ASAP3: variants seen among roughly 807,000 people sequenced by gnomAD.
ASAP3 encodes the protein ArfGAP with SH3 domain, ankyrin repeat and PH domain 3, also known as arf-GAP with SH3 domain, ANK repeat and PH domain-containing protein 3.
ASAP3 carries 85 observed loss-of-function variants against 118.2 expected under a neutral mutation model. The observed-to-expected ratio is 0.72, with a 90% confidence interval of 0.60 to 0.86. ASAP3 has a LOEUF of 0.86. ASAP3 is among the 40% of genes least tolerant of loss of function. The probability of loss-of-function intolerance (pLI) is 0.00; values close to 1 mark genes in which losing one functional copy is unlikely to be tolerated. For missense variants in ASAP3, 1,026 were observed against 1,175.0 expected, an observed-to-expected ratio of 0.87 and a Z score of 1.85; for synonymous variants, 432 against 477.4, an observed-to-expected ratio of 0.90 and a Z score of 1.24.
intron 5 of ASAP3, among the ~76,000 whole-genome samples, chr1:23,449,552 T>G (rs185925284): frequency 6.6e-6 from 1 of 152,176 alleles, no homozygotes; most frequent in East Asian, 1.9e-4. Context: ...TGAAATTACA[T>G]AGGAACTTAC....
chr1:23,484,200 G>C (rs1002341515), upstream of ASAP3: 4 of 1,210,548 alleles, frequency 3.3e-6, no homozygotes, highest in Admixed American at 1.3e-4. Flanking sequence ...GCGCTGAGCC[G>C]GCCTCACCGC....
At chr1:23,454,537 T>C (rs1327347584) in intron 3 of ASAP3, among the ~76,000 whole-genome samples, 1 of 151,470 alleles carries the variant, frequency 6.6e-6, no homozygotes, top group African/African-American at 2.4e-5. Context: ...CAGGCTGGTC[T>C]AGAGCTTCTG....
chr1:23,447,106 C>T (rs946134735), intron 5 of ASAP3, among the ~76,000 whole-genome samples: 1 of 152,172 alleles, frequency 6.6e-6, no homozygotes, highest in African/African-American at 2.4e-5. Flanking sequence ...TAATCTCGCT[C>T]GCCTGCCAAC....
At chr1:23,468,962 A>T (rs1379861295) in intron 1 of ASAP3, among the ~76,000 whole-genome samples, 2 of 151,618 alleles carry the variant, frequency 1.3e-5, no homozygotes, top group Non-Finnish European at 2.9e-5. Context: ...ACAAAAAAAA[A>T]AACAAAAAAA....
rs760402206 is a variant in ASAP3 at position 23,437,266 on chromosome 1, G to A, written c.1206C>T (p.Leu402=). The A allele has an allele frequency of 5.0e-5, 80 of 1,597,136 alleles. No homozygotes were observed. The highest frequency in any genetic ancestry group is 7.0e-5 in the Admixed American group (4 of 56,810). ...ACCCCGGGCCAGCGCTGGGCTCCCCGAGGAAGGCGCTGCTCAGGGCTTCGT... is the reference window on the plus strand; with the variant it reads ...ACCCCGGGCCAGCGCTGGGCTCCCCAAGGAAGGCGCTGCTCAGGGCTTCGT... ...SKDEALSSAF[L]GEPSAGPGSW... Residue 402 remains leucine (L), a synonymous_variant, in exon 14 of 25, where the codon CTC becomes CTT. Transcript: ENST00000336689. This position sits in a 1 kb window ranked among gnomAD's most constrained non-coding sequence, Gnocchi z 6.1.
At chr1:23,431,243 AAGGCCCCC>A in intron 23 of ASAP3, 118 bp from the exon 24 acceptor site, 1 of 1,044,000 alleles carries the variant, frequency 9.6e-7, no homozygotes, top group Non-Finnish European at 1.4e-6. Context: ...TAGAGTCCAC[AAGGCCCCC>A]AGGCCAGGTC....
At chr1:23,455,424 G>A (rs1641350574) in intron 3 of ASAP3, among the ~76,000 whole-genome samples, 1 of 152,210 alleles carries the variant, frequency 6.6e-6, no homozygotes, top group Admixed American at 6.5e-5. Flanking sequence ...TGGAGGCAGG[G>A]ACAGGTCCTG....
At chr1:23,442,664 C>A in intron 5 of ASAP3, 52 bp from the exon 6 acceptor site, 1 of 1,585,166 alleles carries the variant, frequency 6.3e-7, no homozygotes. Flanking sequence ...CCCCTATATC[C>A]TCTTCTGCCA....
chr1:23,465,677 T>A (rs1641744493), intron 1 of ASAP3, among the ~76,000 whole-genome samples: 1 of 152,054 alleles, frequency 6.6e-6, no homozygotes, highest in Non-Finnish European at 1.5e-5. Flanking sequence ...AATTTTTGTA[T>A]TTTTAGTAGA....
rs1225353539 is a variant in ASAP3, at chr1:23,437,146, G to A, written c.1326C>T (p.Cys442=). 2 of 1,605,218 alleles carry A rather than the reference G, an allele frequency of 1.2e-6. No individual in the cohort carries two copies. The highest frequency in any genetic ancestry group is 1.1e-5 in the South Asian group (1 of 89,532). ...VKSRPGNSQC[C]DCGAADPTWL... is the part of the protein sequence containing the mutation. ...GGGACCGACCTGCAGCCCCGCAGTC[G>A]CAGCACTGGCTATTCCCAGGCCTGC... Residue 442 remains cysteine, a synonymous_variant, in exon 14 of 25, where the codon TGC becomes TGT. Coordinates refer to ENST00000336689, the MANE Select transcript of ASAP3 (RefSeq NM_017707.4). The surrounding 1 kb of genome is among the most constrained non-coding windows in gnomAD (Gnocchi z 6.1).
chr1:23,445,002 T>G (rs1641005954), intron 5 of ASAP3, among the ~76,000 whole-genome samples: 1 of 151,880 alleles, frequency 6.6e-6, no homozygotes, highest in South Asian at 2.1e-4. Context: ...GGGGTTATTT[T>G]TTATTTCCTT....
upstream of ASAP3, chr1:23,484,326 C>T: frequency 2.1e-6 from 1 of 482,824 alleles, no homozygotes; most frequent in South Asian, 1.0e-4. Context: ...GGCTCCTCGC[C>T]TTCCTCCACC....
rs1172187284 is a variant in ASAP3, at chr1:23,436,851, G to A, written c.1476+60C>T. 2 of 1,321,434 alleles carry A rather than the reference G, an allele frequency of 1.5e-6. No homozygotes were observed. Among genetic ancestry groups the A allele is most frequent in the Middle Eastern group, 3.3e-4 (1 of 3,066 alleles). 81.9% of individuals were successfully genotyped at this position (1,321,434 alleles called of 1,614,324 possible). A position where few individuals can be genotyped will look rare whatever the true frequency, so the allele number is the denominator to read the frequency against. On this transcript the variant is annotated intron_variant, in intron 15 of 24. Coordinates refer to ENST00000336689, the MANE Select transcript of ASAP3 (RefSeq NM_017707.4). This position sits in a 1 kb window ranked among gnomAD's most constrained non-coding sequence, Gnocchi z 4.2. Reference sequence around the variant, plus strand: ...CCCACAACCTGCAAGCCCCGCCCCCGGATGAAACTACACCCCTAACTCCGC... The same window carrying A: ...CCCACAACCTGCAAGCCCCGCCCCCAGATGAAACTACACCCCTAACTCCGC...
chr1:23,433,821 G>A (rs1396665938), intron 19 of ASAP3, 128 bp from the exon 20 acceptor site: 10 of 1,190,314 alleles, frequency 8.4e-6, no homozygotes, highest in Non-Finnish European at 7.1e-6. Flanking sequence ...CTGGCTATGT[G>A]ACCATAGGCA....
chr1:23,470,737 C>T (rs769369915), intron 1 of ASAP3, among the ~76,000 whole-genome samples: 2 of 151,982 alleles, frequency 1.3e-5, no homozygotes, highest in Non-Finnish European at 2.9e-5. Context: ...GTCTTCCCAG[C>T]CTGGGCACTT....
In ASAP3 at chr1:23,451,518, T is replaced by A; in HGVS notation, c.434A>T (p.Lys145Ile). 1.2e-6 allele frequency: 2 copies of A among 1,614,200 alleles called. No homozygotes were observed. The highest frequency in any genetic ancestry group is 8.5e-7 in the Non-Finnish European group (1 of 1,180,038). The change falls in exon 5 of 25, where the codon AAA becomes ATA. Residue 145 changes from lysine to isoleucine, a missense_variant. Transcript: ENST00000336689. ...QLRDGRQDSK[K>I]QLEKAWKDYE... ...GTCCTTCCATGCCTTCTCCAGCTGT[T>A]TTTTGGAATCCTGTGGGTTAAAAAA...
At chr1:23,446,720 G>T (rs983116343) in intron 5 of ASAP3, among the ~76,000 whole-genome samples, 3 of 152,148 alleles carry the variant, frequency 2.0e-5, no homozygotes, top group Non-Finnish European at 2.9e-5. Context: ...TTACAGGCAT[G>T]AGCCACCATG....
Position 23,441,144 on chromosome 1 carries a change from A to G in ASAP3, c.902T>C (p.Phe301Ser). The change falls in exon 10 of 25, where the codon TTT (phenylalanine) becomes TCT (serine). Residue 301 changes from phenylalanine to serine, a missense_variant. Physicochemically the swap from Phe to Ser is radical, Grantham distance 155. Coordinates refer to ENST00000336689, the MANE Select transcript of ASAP3 (RefSeq NM_017707.4). ...SIHQHQGNKQ[F>S]GTEKVGFLYK... ...TAGAAAGCCCACTTTCTCCGTCCCA[A>G]ACTGCTTGTTGCCTTGGTGCTGGTG... 1 of 1,614,102 alleles carries G rather than the reference A, an allele frequency of 6.2e-7. No homozygotes were observed. Among genetic ancestry groups the G allele is most frequent in the Non-Finnish European group, 8.5e-7 (1 of 1,180,014 alleles).
At chr1:23,479,833 G>C (rs1351883878) in intron 1 of ASAP3, 1 of 152,204 alleles carries the variant, frequency 6.6e-6, no homozygotes, top group Non-Finnish European at 1.5e-5. Flanking sequence ...CAGGGATTGA[G>C]ATAGTTGTTC....
Sources: gnomAD v4.1 joint callset for allele counts (sites outside exome capture counted in the v4.1 genomes callset) on GRCh38, gnomAD v4.1.1 for gene constraint, Gnocchi (gnomAD v3.1) non-coding constraint, MANE v1.5 for transcripts, NCBI Gene and HGNC (gene_info 2026-07-23, HGNC 2026-07-21) for gene names.